The following NQO1 variants were observed in gnomAD, a reference collection of about 807,000 sequenced individuals.
The protein encoded by NQO1 is NAD(P)H quinone dehydrogenase 1, also known as NAD(P)H dehydrogenase [quinone] 1.
A neutral mutation model predicts 32.1 loss-of-function variants in NQO1; 30 were observed. That is an observed-to-expected ratio of 0.94 (90% CI 0.70 to 1.27). The LOEUF is 1.27. Ranked by LOEUF, NQO1 falls within the 50% of genes most tolerant of loss-of-function variation. The pLI, the probability that NQO1 is intolerant of heterozygous loss-of-function variation, is 0.00. For synonymous variants in NQO1, 109 were observed against 119.7 expected (o/e 0.91, Z 0.59); for missense variants, 276 against 331.3 (o/e 0.83, Z 1.30).
At chr16:69,715,420 G>A (rs972337691) in intron 3 of NQO1, among the ~76,000 whole-genome samples, 2 of 152,268 alleles carry the variant, frequency 1.3e-5, no homozygotes, top group African/African-American at 4.8e-5. Context: ...GCTTCATGCT[G>A]TTGCTTCAAT....
rs1285987221 is a variant in NQO1 at position 69,709,491 on chromosome 16, T to C, written c.*1485A>G. ...CAGTGAAGATGAAGGCAACAAAATA[T>C]TTTCAAACTGAAACACCCAGCCGTC... On this transcript the variant is annotated 3_prime_UTR_variant, in exon 6 of 6. Coordinates refer to ENST00000320623, the MANE Select transcript of NQO1 (RefSeq NM_000903.3). 1.8e-5 allele frequency: 6 copies of C among 331,548 alleles called. No homozygotes were observed. The highest frequency in any genetic ancestry group is 2.7e-5 in the Non-Finnish European group (5 of 184,486). The allele number at this position is 331,548 out of a possible 1,614,324, so 20.5% of individuals were successfully genotyped here. A position where few individuals can be genotyped will look rare whatever the true frequency, so the allele number is the denominator to read the frequency against.
intron 1 of NQO1, among the ~76,000 whole-genome samples, chr16:69,724,489 A>G (rs538887665): frequency 6.6e-6 from 1 of 151,562 alleles, no homozygotes; most frequent in East Asian, 2.0e-4. Flanking sequence ...CACCACTCCC[A>G]GCCAAAATTT....
At chr16:69,723,261 A>C (rs1308917344) in intron 1 of NQO1, among the ~76,000 whole-genome samples, 1 of 152,152 alleles carries the variant, frequency 6.6e-6, no homozygotes. Flanking sequence ...CAATGTTAAC[A>C]AGCATTTTCT....
At chr16:69,723,217 C>T (rs2038217462) in intron 1 of NQO1, among the ~76,000 whole-genome samples, 1 of 152,204 alleles carries the variant, frequency 6.6e-6, no homozygotes, top group Non-Finnish European at 1.5e-5. Flanking sequence ...GCCACAGCGC[C>T]CAGCCAACAG....
At chr16:69,711,647 T>C (rs896383317) in intron 5 of NQO1, among the ~76,000 whole-genome samples, 1 of 151,494 alleles carries the variant, frequency 6.6e-6, no homozygotes, top group Admixed American at 6.6e-5. Context: ...GTCCTTTTTT[T>C]CTTTTTCTTT....
intron 3 of NQO1, among the ~76,000 whole-genome samples, chr16:69,717,091 A>AAG (rs1171353740): frequency 8.6e-5 from 13 of 151,006 alleles, no homozygotes; most frequent in Admixed American, 7.9e-4. Flanking sequence ...AAAAAAAAAA[A>AAG]AGAGAGAGAG....
chr16:69,723,203 G>A (rs1567635293), intron 1 of NQO1, among the ~76,000 whole-genome samples: 1 of 152,212 alleles, frequency 6.6e-6, no homozygotes, highest in Admixed American at 6.5e-5. Context: ...GATTACAGGC[G>A]TGAGCCACAG....
rs544767795 is a variant in NQO1, at chr16:69,709,964, C to T, written c.*1012G>A. 4.3e-5 allele frequency: 17 copies of T among 395,078 alleles called. No individual in the cohort carries two copies. The South Asian group carries it at 2.1e-3, about 48-fold the overall frequency. The allele number at this position is 395,078 out of a possible 1,614,324, so 24.5% of individuals were successfully genotyped here. A position where few individuals can be genotyped will look rare whatever the true frequency, so the allele number is the denominator to read the frequency against. On this transcript the variant is annotated 3_prime_UTR_variant, in exon 6 of 6. Transcript: ENST00000320623. ...AGACTATTTTTAAGTATTGAAGGTA[C>T]TATTTCCTTTCTTGAATTCATATTG...
In NQO1 at chr16:69,718,272, G is replaced by C. The variant is rs147731382; in HGVS notation, c.173-19C>G. The C allele has an allele frequency of 2.9e-5, 47 of 1,613,718 alleles. No homozygotes were observed. In the African/African-American group the frequency reaches 5.3e-4, roughly 18 times the overall value. ...AGTTTACCTGCAGAGAAGAAAAAGA[G>C]AGGCTGGGGCCAGAGGGGCCAAAGC... is the stretch of plus-strand genomic sequence containing the variant. On this transcript the variant is annotated intron_variant, in intron 2 of 5. Coordinates refer to ENST00000320623, the MANE Select transcript of NQO1 (RefSeq NM_000903.3).
chr16:69,722,205 C>A (rs973180485), intron 1 of NQO1, among the ~76,000 whole-genome samples: 1 of 151,844 alleles, frequency 6.6e-6, no homozygotes, highest in East Asian at 1.9e-4. Context: ...GCTCTGTCAC[C>A]CAGGCTGGAG....
chr16:69,711,196 A>C lies in NQO1; in HGVS notation c.605T>G (p.Ile202Ser). ...TTTCTTCCATCCTTCCAGGATTTGAATTCGGGCGTCTGCTGGAGTGTGCCC... is the reference window on the plus strand; with the variant it reads ...TTTCTTCCATCCTTCCAGGATTTGACTTCGGGCGTCTGCTGGAGTGTGCCC... ...SIGHTPADAR[I>S]QILEGWKKRL... The change falls in exon 6 of 6, where the codon ATT (isoleucine) becomes AGT (serine). Residue 202 changes from isoleucine (I) to serine (S), a missense_variant. By Grantham distance (142) the Ile-to-Ser change is moderately radical. Transcript: ENST00000320623. 6.2e-7 allele frequency: 1 copy of C among 1,614,204 alleles called. No homozygotes were observed. The highest frequency in any genetic ancestry group is 2.2e-5 in the East Asian group (1 of 44,890).
In NQO1 at chr16:69,709,760, TAGA is replaced by T. The variant is rs1278601529; in HGVS notation, c.*1213_*1215del. ...AGTGGAATGAGATGACTTCCAGAAG[TAGA>T]AATTGACTATTATGCCAAAACTGTT... On this transcript the variant is annotated 3_prime_UTR_variant, in exon 6 of 6. Transcript: ENST00000320623. The T allele has an allele frequency of 2.5e-6, 1 of 398,444 alleles. No individual in the cohort carries two copies. The highest frequency in any genetic ancestry group is 4.4e-6 in the Non-Finnish European group (1 of 226,058). 24.7% of individuals were successfully genotyped at this position (398,444 alleles called of 1,614,324 possible). A position where few individuals can be genotyped will look rare whatever the true frequency, so the allele number is the denominator to read the frequency against.
At chr16:69,721,803 G>A (rs1456345420) in intron 1 of NQO1, among the ~76,000 whole-genome samples, 1 of 145,384 alleles carries the variant, frequency 6.9e-6, no homozygotes, top group African/African-American at 2.6e-5. Context: ...AGACCAGCCT[G>A]GCTAACATGG....
intron 5 of NQO1, among the ~76,000 whole-genome samples, chr16:69,712,002 TTA>T (rs1345938359): frequency 6.6e-6 from 1 of 152,156 alleles, no homozygotes; most frequent in Non-Finnish European, 1.5e-5. Flanking sequence ...ACCTCCCTCT[TTA>T]TAGAAATTAT....
At chr16:69,712,891 G>A in intron 5 of NQO1, 137 bp downstream of exon 5, 2 of 694,364 alleles carry the variant, frequency 2.9e-6, no homozygotes, top group Non-Finnish European at 4.9e-6. Context: ...CTGTCAGTAG[G>A]CTGAGGCAGG....
chr16:69,721,658 C>T (rs1371127155), intron 1 of NQO1, among the ~76,000 whole-genome samples: 1 of 151,852 alleles, frequency 6.6e-6, no homozygotes, highest in Non-Finnish European at 1.5e-5. Context: ...GCAAGTTACC[C>T]AAGTGTGTAG....
intron 1 of NQO1, among the ~76,000 whole-genome samples, chr16:69,721,043 A>ATT (rs373230600): frequency 0.038 from 5,248 of 137,386 alleles, 330 homozygotes; most frequent in African/African-American, 0.13. Flanking sequence ...ACCACACCTA[A>ATT]TTTTTTTTTT....
Position 69,713,045 on chromosome 16 carries a change from T to A in NQO1, c.502A>T (p.Ile168Phe). ...LQGIHGDMNV[I>F]LWPIQSGILH... ...TGAGGTACCTGAATTGGCCAGAGAA[T>A]GACATTCATGTCCCCGTGGATCCCT... The change falls in exon 5 of 6, where the codon ATT becomes TTT. Residue 168 changes from isoleucine to phenylalanine, a missense_variant. Coordinates refer to ENST00000320623, the MANE Select transcript of NQO1 (RefSeq NM_000903.3). 1 of 1,613,582 alleles carries A rather than the reference T, an allele frequency of 6.2e-7. No individual in the cohort carries two copies. The highest frequency in any genetic ancestry group is 8.5e-7 in the Non-Finnish European group (1 of 1,179,650).
chr16:69,720,538 CTT>C (rs111596119), intron 1 of NQO1, among the ~76,000 whole-genome samples: 5 of 144,022 alleles, frequency 3.5e-5, no homozygotes, highest in Non-Finnish European at 6.1e-5. Context: ...TCACATTAAA[CTT>C]TTTTTTTTTT....
Sources: allele counts gnomAD v4.1 joint callset (sites outside exome capture counted in the v4.1 genomes callset), GRCh38; gene constraint gnomAD v4.1.1; transcripts MANE v1.5; gene names NCBI Gene and HGNC (gene_info 2026-07-23, HGNC 2026-07-21).